IPCEF1: variants seen among roughly 807,000 people sequenced by gnomAD.
The protein encoded by IPCEF1 is interaction protein for cytohesin exchange factors 1.
IPCEF1 carries 31 observed loss-of-function variants against 50.9 expected under a neutral mutation model. The observed-to-expected ratio is 0.61, with a 90% CI of 0.46 to 0.82. IPCEF1 has a LOEUF of 0.82. IPCEF1 is among the 40% of genes least tolerant of loss of function. IPCEF1 has a pLI of 0.00. For synonymous variants in IPCEF1, 181 were observed against 192.0 expected, an observed-to-expected ratio of 0.94 and a Z score of 0.47; for missense variants, 458 against 514.0, an observed-to-expected ratio of 0.89 and a Z score of 1.05.
At chr6:154,330,996 A>G (rs1434914085) in intron 1 of IPCEF1, among the ~76,000 whole-genome samples, 2 of 152,168 alleles carry the variant, frequency 1.3e-5, no homozygotes, top group Non-Finnish European at 2.9e-5. Context: ...ATAGTCAGGC[A>G]GTTGTTAGTC....
chr6:154,180,414 A>ATATATATATATATATATATATATTTTTTT (rs1241250621), intron 10 of IPCEF1, among the ~76,000 whole-genome samples: 1 of 65,268 alleles, frequency 1.5e-5, no homozygotes, highest in African/African-American at 4.8e-5. Flanking sequence ...ATATATATAT[A>ATATATATATATATATATATATATTTTTTT]TTTTTTTTTT....
At chr6:154,214,549 C>T (rs1330157119) in intron 7 of IPCEF1, among the ~76,000 whole-genome samples, 4 of 152,178 alleles carry the variant, frequency 2.6e-5, no homozygotes, top group Non-Finnish European at 5.9e-5. Flanking sequence ...AATATATGAA[C>T]AAACACATCT....
At chr6:154,202,046 C>T (rs1400049989) in intron 9 of IPCEF1, among the ~76,000 whole-genome samples, 1 of 152,172 alleles carries the variant, frequency 6.6e-6, no homozygotes, top group Admixed American at 6.5e-5. Context: ...TCAATATGGT[C>T]CCCAGGAAAT....
chr6:154,185,836 G>C (rs1351644882), intron 10 of IPCEF1, among the ~76,000 whole-genome samples: 2 of 152,150 alleles, frequency 1.3e-5, no homozygotes, highest in African/African-American at 4.8e-5. Flanking sequence ...ATTTGTGTTG[G>C]GCCACATTCA....
intron 11 of IPCEF1, among the ~76,000 whole-genome samples, chr6:154,165,534 G>C (rs1456151887): frequency 1.3e-5 from 2 of 152,134 alleles, no homozygotes; most frequent in East Asian, 3.9e-4. Flanking sequence ...CATGGGTCCT[G>C]TTCTATTTCA....
At chr6:154,286,349 C>T (rs2128666702) in intron 2 of IPCEF1, among the ~76,000 whole-genome samples, 1 of 152,238 alleles carries the variant, frequency 6.6e-6, no homozygotes, top group Non-Finnish European at 1.5e-5. Context: ...TATCCCAGAA[C>T]TTAAAGTAAA....
At chr6:154,351,416 A>G (rs1278443127) in intron 1 of IPCEF1, among the ~76,000 whole-genome samples, 2 of 152,276 alleles carry the variant, frequency 1.3e-5, no homozygotes, top group Admixed American at 6.5e-5. Flanking sequence ...ACTGCCTAAG[A>G]AGACAATCAC....
At chr6:154,338,295 CT>C (rs200323318) in intron 1 of IPCEF1, among the ~76,000 whole-genome samples, 3,204 of 152,292 alleles carry the variant, frequency 0.021, 60 homozygotes, top group Non-Finnish European at 0.032. Context: ...ACCAAACATA[CT>C]TTAGCTAGAA....
chr6:154,160,327 C>T (rs1415408690), intron 11 of IPCEF1, among the ~76,000 whole-genome samples: 1 of 152,200 alleles, frequency 6.6e-6, no homozygotes, highest in African/African-American at 2.4e-5. Flanking sequence ...TTCCACACCA[C>T]AGTAACAATT....
intron 1 of IPCEF1, among the ~76,000 whole-genome samples, chr6:154,351,317 T>C (rs1784115670): frequency 6.6e-6 from 1 of 152,204 alleles, no homozygotes; most frequent in African/African-American, 2.4e-5. Context: ...TTGACTGTGG[T>C]TGTGAACTAC....
At chr6:154,338,573 G>A (rs762924275) in intron 1 of IPCEF1, among the ~76,000 whole-genome samples, 8 of 152,134 alleles carry the variant, frequency 5.3e-5, no homozygotes, top group Non-Finnish European at 7.4e-5. Flanking sequence ...GGTGAATTGC[G>A]ATTGCCAAAC....
chr6:154,251,978 G>A (rs903147758), intron 3 of IPCEF1, among the ~76,000 whole-genome samples: 1 of 152,162 alleles, frequency 6.6e-6, no homozygotes, highest in Non-Finnish European at 1.5e-5. Flanking sequence ...AGTTAGAAAT[G>A]TACATATTGT....
chr6:154,180,412 A>ATT (rs1301879776), intron 10 of IPCEF1, among the ~76,000 whole-genome samples: 916 of 50,656 alleles, frequency 0.018, 10 homozygotes, highest in East Asian at 0.07. Context: ...ATATATATAT[A>ATT]TATTTTTTTT....
intron 5 of IPCEF1, among the ~76,000 whole-genome samples, chr6:154,224,715 AAAAC>A (rs1232032081): frequency 6.6e-6 from 1 of 152,162 alleles, no homozygotes; most frequent in Non-Finnish European, 1.5e-5. Context: ...TGTCTTAAAA[AAAAC>A]AAACAAACAA....
At chr6:154,281,184 C>CAAAA (rs35597942) in intron 2 of IPCEF1, among the ~76,000 whole-genome samples, 13 of 59,142 alleles carry the variant, frequency 2.2e-4, no homozygotes, top group Non-Finnish European at 3.6e-4. Context: ...TACTAAAATA[C>CAAAA]AAAAAAAAAA....
At chr6:154,303,801 G>A (rs928187667) in intron 1 of IPCEF1, among the ~76,000 whole-genome samples, 2 of 152,130 alleles carry the variant, frequency 1.3e-5, no homozygotes, top group African/African-American at 4.8e-5. Flanking sequence ...TGCACCTGTG[G>A]CCCTAATTAC....
At chr6:154,275,935 T>C (rs1782044414) in intron 2 of IPCEF1, among the ~76,000 whole-genome samples, 1 of 152,154 alleles carries the variant, frequency 6.6e-6, no homozygotes, top group Non-Finnish European at 1.5e-5. Context: ...ATCCTAGCAC[T>C]TTGGGAGGCC....
At chr6:154,256,433 G>T (rs1781462864) in intron 3 of IPCEF1, among the ~76,000 whole-genome samples, 1 of 152,068 alleles carries the variant, frequency 6.6e-6, no homozygotes, top group Non-Finnish European at 1.5e-5. Flanking sequence ...GGCTATGATA[G>T]AATTTAAATT....
intron 5 of IPCEF1, among the ~76,000 whole-genome samples, chr6:154,241,981 C>T (rs184930280): frequency 3.3e-5 from 5 of 152,204 alleles, no homozygotes; most frequent in African/African-American, 1.2e-4. Flanking sequence ...AATCCCAGTT[C>T]TGCTATTTAC....
Sources: gnomAD v4.1 joint callset for allele counts (sites outside exome capture counted in the v4.1 genomes callset) on GRCh38, gnomAD v4.1.1 for gene constraint, MANE v1.5 for transcripts, NCBI Gene and HGNC (gene_info 2026-07-23, HGNC 2026-07-21) for gene names.